GSE1: variants seen among roughly 807,000 people sequenced by gnomAD.
GSE1 encodes genetic suppressor element 1.
GSE1 carries 32 observed loss-of-function variants against 112.6 expected under a neutral mutation model. That is an observed-to-expected ratio of 0.28 (90% CI 0.21 to 0.38). GSE1 has a LOEUF of 0.38. Among genes scored for constraint, GSE1 ranks in the 10% least tolerant of loss-of-function variants. GSE1 has a pLI of 1.00. For missense variants in GSE1, 2,348 were observed against 1,699.2 expected, an observed-to-expected ratio of 1.38 and a Z score of -6.71; for synonymous variants, 1,115 against 735.6, an observed-to-expected ratio of 1.52 and a Z score of -8.35.
chr16:85,190,392 T>C (rs74031720), intron 1 of GSE1, among the ~76,000 whole-genome samples: 11,328 of 152,306 alleles, frequency 0.074, 1,134 homozygotes, highest in African/African-American at 0.23. Context: ...TTTAATAATA[T>C]TGTGTTTCAT....
chr16:85,226,761 GTGTGTGTGTGTGTGTGTGT>G (rs2075494131), intron 1 of GSE1, among the ~76,000 whole-genome samples: 2 of 3,710 alleles, frequency 5.4e-4, no homozygotes, highest in African/African-American at 1.2e-3. Context: ...CTGGACTGGT[GTGTGTGTGTGTGTGTGTGT>G]GTGTGTGTGT....
At chr16:85,594,216 C>T (rs1284337065) in intron 1 of GSE1, 2 of 95,362 alleles carry the variant, frequency 2.1e-5, no homozygotes, top group East Asian at 7.6e-4. Context: ...AGGGCCTGGG[C>T]CCGATCCCTG....
intron 1 of GSE1, among the ~76,000 whole-genome samples, chr16:85,173,126 C>T (rs3935301): frequency 0.18 from 27,680 of 152,172 alleles, 3,028 homozygotes; most frequent in East Asian, 0.48. Context: ...AGCTGCAGTT[C>T]CCAAAAGGGC....
intron 2 of GSE1, among the ~76,000 whole-genome samples, chr16:85,447,476 T>A (rs939427649): frequency 3.3e-5 from 5 of 152,208 alleles, no homozygotes; most frequent in African/African-American, 4.8e-5. Context: ...GCCACACTGG[T>A]GCGCTGTGAG....
exon 1 of GSE1, chr16:85,171,128 C>T (rs2074352768): frequency 1.0e-6 from 1 of 985,662 alleles, no homozygotes; most frequent in East Asian, 1.1e-4. Context: ...CGCAGCTGCC[C>T]CAAGTGCTTC....
At chr16:85,472,113 C>T (rs1356150276) in intron 2 of GSE1, among the ~76,000 whole-genome samples, 3 of 152,186 alleles carry the variant, frequency 2.0e-5, no homozygotes, top group Admixed American at 6.5e-5. Flanking sequence ...CAGACATTGC[C>T]AGGTGTCTCC....
At position 85,370,985 on chromosome 16, in the gene GSE1, T is replaced by C. The variant is rs184205218; in HGVS notation, c.2464+13342T>C. On this transcript the variant is annotated intron_variant, in intron 2 of 2. Coordinates refer to the GSE1 transcript ENST00000637419. ...AGGCTGGGAGGGCAGGAGGAGGGCC[T>C]GCGCCCGGCGGTGGCTGGCTGTGGC... Among the ~76,000 whole-genome samples the C allele has an allele frequency of 1.8e-3, 275 of 152,330 alleles. 4 individuals carry two copies. The highest frequency in any genetic ancestry group is 2.6e-3 in the Non-Finnish European group (180 of 68,018).
chr16:85,627,376 C>A (rs896662289), intron 1 of GSE1, among the ~76,000 whole-genome samples: 1 of 152,018 alleles, frequency 6.6e-6, no homozygotes, highest in Non-Finnish European at 1.5e-5. Context: ...CTGAAAGGGT[C>A]CAGGGAGCAG....
At chr16:85,504,317 G>A (rs2051466492) in intron 2 of GSE1, among the ~76,000 whole-genome samples, 1 of 152,194 alleles carries the variant, frequency 6.6e-6, no homozygotes, top group African/African-American at 2.4e-5. Context: ...CTCGTGCTGC[G>A]GGCCACACAC....
chr16:85,545,807 CAG>C (rs2044674867), intron 2 of GSE1, among the ~76,000 whole-genome samples: 1 of 152,098 alleles, frequency 6.6e-6, no homozygotes. Context: ...TTTTTGGAGA[CAG>C]AGTCTCACTG....
At chr16:85,276,603 C>T (rs910821877) in intron 1 of GSE1, among the ~76,000 whole-genome samples, 1 of 152,200 alleles carries the variant, frequency 6.6e-6, no homozygotes, top group African/African-American at 2.4e-5. Context: ...GGTGACCTCC[C>T]CGTGATGACC....
At chr16:85,555,780 T>G, upstream of GSE1, 1 of 978,712 alleles carries the variant, frequency 1.0e-6, no homozygotes, top group Non-Finnish European at 1.2e-6. Context: ...GAGGAGAGAT[T>G]GCTACTCGCA....
intron 2 of GSE1, among the ~76,000 whole-genome samples, chr16:85,501,157 C>T (rs1157137383): frequency 3.3e-5 from 5 of 151,576 alleles, no homozygotes; most frequent in African/African-American, 4.9e-5. Flanking sequence ...CCCCCCACCA[C>T]GCCCAGCTAA....
At chr16:85,654,507 G>A (rs746417042) in intron 4 of GSE1, 57 bp downstream of exon 4, 124 of 1,444,764 alleles carry the variant, frequency 8.6e-5, no homozygotes, top group Non-Finnish European at 1.1e-4. Flanking sequence ...CAGTGCTCAG[G>A]GTCTGGGTCC....
intron 2 of GSE1, among the ~76,000 whole-genome samples, chr16:85,485,534 C>T (rs1007682929): frequency 3.3e-5 from 5 of 152,250 alleles, no homozygotes; most frequent in Admixed American, 3.3e-4. Flanking sequence ...GGGAGGGCAT[C>T]ATCCTTCATC....
chr16:85,208,743 G>A (rs181481314), intron 1 of GSE1, among the ~76,000 whole-genome samples: 37 of 150,862 alleles, frequency 2.5e-4, no homozygotes, highest in Admixed American at 8.6e-4. Flanking sequence ...ACTGCTGCCC[G>A]CTCTAGATTA....
chr16:85,520,233 G>A (rs58224521), intron 2 of GSE1, among the ~76,000 whole-genome samples: 15,241 of 151,996 alleles, frequency 0.1, 1,683 homozygotes, highest in African/African-American at 0.28. Flanking sequence ...CCCTTTAACA[G>A]GAGCTTAATC....
chr16:85,297,141 G>A (rs1054374284), intron 1 of GSE1, among the ~76,000 whole-genome samples: 1 of 152,248 alleles, frequency 6.6e-6, no homozygotes, highest in African/African-American at 2.4e-5. Flanking sequence ...TACCCGGCCA[G>A]GCTGGCACCC....
intron 2 of GSE1, among the ~76,000 whole-genome samples, chr16:85,466,642 A>G (rs985894165): frequency 6.6e-6 from 1 of 152,106 alleles, no homozygotes; most frequent in African/African-American, 2.4e-5. Flanking sequence ...TCTTCCAGTA[A>G]GGAAAGCGTG....
Sources: allele counts gnomAD v4.1 joint callset (sites outside exome capture counted in the v4.1 genomes callset), GRCh38; gene constraint gnomAD v4.1.1; transcripts MANE v1.5; gene names NCBI Gene and HGNC (gene_info 2026-07-23, HGNC 2026-07-21).